Variants in NMUR1 observed in about 807,000 individuals in gnomAD.
The protein encoded by NMUR1 is neuromedin-U receptor 1.
In NMUR1, 16 loss-of-function variants were observed where a neutral mutation model predicts 18.8. The observed-to-expected ratio is 0.85, with a 90% CI of 0.58 to 1.29. The LOEUF (loss-of-function observed/expected upper bound fraction) is 1.29. Among genes scored for constraint, NMUR1 ranks in the 50% most tolerant of loss-of-function variants. NMUR1 has a pLI of 0.00. For missense variants in NMUR1, 529 were observed against 580.3 expected (o/e 0.91, Z 0.91); for synonymous variants, 258 against 258.2 (o/e 1.00, Z 0.01).
downstream of NMUR1, among the ~76,000 whole-genome samples, chr2:231,521,414 A>G (rs1162598429): frequency 6.6e-6 from 1 of 152,174 alleles, no homozygotes; most frequent in Non-Finnish European, 1.5e-5. Context: ...AGGAGCAGAG[A>G]GCAGGATAGA....
In NMUR1 at chr2:231,530,390, T is replaced by G; in HGVS notation, c.-29A>C. The G allele has an allele frequency of 6.7e-7, 1 of 1,482,490 alleles. No individual in the cohort carries two copies. 91.8% of individuals were successfully genotyped at this position (1,482,490 alleles called of 1,614,324 possible). A position where few individuals can be genotyped will look rare whatever the true frequency, so the allele number is the denominator to read the frequency against. ...GCCCGCGGCCCGCGAGACCCCGGCT[T>G]CCACCCTCCGAGCGACGGACACAGA... On this transcript the variant is annotated 5_prime_UTR_variant, in exon 1 of 3. Transcript: ENST00000305141.
chr2:231,519,819 C>T (rs1333836364), downstream of NMUR1, among the ~76,000 whole-genome samples: 1 of 152,158 alleles, frequency 6.6e-6, no homozygotes, highest in Non-Finnish European at 1.5e-5. Context: ...GAGTCAGGCG[C>T]AGTGGCTCTT....
At chr2:231,521,829 C>T (rs2047306497), downstream of NMUR1, among the ~76,000 whole-genome samples, 1 of 152,092 alleles carries the variant, frequency 6.6e-6, no homozygotes, top group Non-Finnish European at 1.5e-5. Context: ...CTGCCCTTTC[C>T]ATTGCCATCC....
In NMUR1 at chr2:231,530,353, A is replaced by G; in HGVS notation, c.3+6T>C. 6.7e-7 allele frequency: 1 copy of G among 1,490,740 alleles called. No homozygotes were observed. Among genetic ancestry groups the G allele is most frequent in the South Asian group, 1.3e-5 (1 of 79,850 alleles). The allele number at this position is 1,490,740 out of a possible 1,614,324, so 92.3% of individuals were successfully genotyped here. On this transcript the variant is annotated splice_donor_region_variant and intron_variant, in intron 1 of 2. Transcript: ENST00000305141. ...CCCTAGCCCACGCCGGCGCCTGCGCACCTACCATGCGGCCCGCGGCCCGCG... is the reference window on the plus strand; with the variant it reads ...CCCTAGCCCACGCCGGCGCCTGCGCGCCTACCATGCGGCCCGCGGCCCGCG...
intron 1 of NMUR1, among the ~76,000 whole-genome samples, chr2:231,529,587 T>A (rs1209192613): frequency 6.6e-6 from 1 of 152,148 alleles, no homozygotes; most frequent in East Asian, 1.9e-4. Context: ...CTTGGGTGTC[T>A]CCTCTTTCAA....
chr2:231,526,400 G>A (rs527618622), intron 2 of NMUR1, among the ~76,000 whole-genome samples: 138 of 152,064 alleles, frequency 9.1e-4, no homozygotes, highest in Admixed American at 2.5e-3. Flanking sequence ...ACAAGGGAGG[G>A]AGGGAGGGAA....
At chr2:231,520,017 C>G (rs1559161307), downstream of NMUR1, among the ~76,000 whole-genome samples, 1 of 152,132 alleles carries the variant, frequency 6.6e-6, no homozygotes, top group Non-Finnish European at 1.5e-5. Flanking sequence ...CTCATTTTTC[C>G]TGCCAGGAGG....
rs750909422 is a variant in NMUR1 at position 231,528,318 on chromosome 2, T to TG, written c.702dup (p.Thr235HisfsTer123). The TG allele has an allele frequency of 6.2e-7, 1 of 1,612,866 alleles. No homozygotes were observed. The highest frequency in any genetic ancestry group is 8.5e-7 in the Non-Finnish European group (1 of 1,179,132). ...GGCAGGCAGAAGAAGAGCAGCGCGG[T>TG]GGTCTGCACTACCATGTTGTAGAGG... On this transcript the variant is annotated frameshift_variant, in exon 2 of 3. Coordinates refer to ENST00000305141, the MANE Select transcript of NMUR1 (RefSeq NM_006056.5). LOFTEE classifies it high-confidence loss of function.
downstream of NMUR1, among the ~76,000 whole-genome samples, chr2:231,521,967 T>TCTC (rs1449117048): frequency 3.6e-5 from 3 of 83,832 alleles, no homozygotes; most frequent in East Asian, 1.2e-3. Context: ...CCTTCTTTTT[T>TCTC]TTTCTCTTTT....
Position 231,525,191 on chromosome 2 carries a change from T to C in NMUR1, c.1133A>G (p.His378Arg), listed in dbSNP as rs751698612. Residue 378 changes from histidine (H) to arginine (R), a missense_variant, in exon 3 of 3, where the codon CAT becomes CGT. Transcript: ENST00000305141. ...QEALCLGACC[H>R]RLRPRHSSHS... is the part of the protein sequence containing the mutation. ...GGAGCTGTGGCGGGGTCTGAGGCGA[T>C]GGCAGCAGGCCCCGAGGCACAGGGC... 2 of 1,613,994 alleles carry C rather than the reference T, an allele frequency of 1.2e-6. No homozygotes were observed. Among genetic ancestry groups the C allele is most frequent in the Non-Finnish European group, 1.7e-6 (2 of 1,179,976 alleles).
intron 2 of NMUR1, 115 bp from the exon 3 acceptor site, chr2:231,525,540 C>T: frequency 8.4e-7 from 1 of 1,185,476 alleles, no homozygotes; most frequent in Non-Finnish European, 1.2e-6. Context: ...AGGCCACCCT[C>T]ACCTATCACC....
At chr2:231,527,580 A>G (rs2047368413) in intron 2 of NMUR1, among the ~76,000 whole-genome samples, 1 of 144,494 alleles carries the variant, frequency 6.9e-6, no homozygotes, top group Non-Finnish European at 1.5e-5. Context: ...TGGGAGGTTG[A>G]GGCTGCAGTG....
chr2:231,523,381 A>G lies in NMUR1; in HGVS notation c.*1662T>C. The G allele has an allele frequency of 2.9e-6, 1 of 341,722 alleles. No homozygotes were observed. The highest frequency in any genetic ancestry group is 3.9e-5 in the East Asian group (1 of 25,966). The allele number at this position is 341,722 out of a possible 1,614,324, so 21.2% of individuals were successfully genotyped here. A position where few individuals can be genotyped will look rare whatever the true frequency, so the allele number is the denominator to read the frequency against. ...AGAACTTTTTCATTTTGCAAAACTG[A>G]AACTCTTCACCCATTAAAGAACTCC... is the stretch of plus-strand genomic sequence containing the variant. On this transcript the variant is annotated 3_prime_UTR_variant, in exon 3 of 3. Transcript: ENST00000305141.
chr2:231,528,739 A>T lies in NMUR1; in HGVS notation c.282T>A (p.Pro94=). The T allele has an allele frequency of 6.2e-7, 1 of 1,614,220 alleles. No individual in the cohort carries two copies. The highest frequency in any genetic ancestry group is 8.5e-7 in the Non-Finnish European group (1 of 1,180,026). Residue 94 remains proline (P), a synonymous_variant, in exon 2 of 3, where the codon CCT becomes CCA. Transcript: ENST00000305141. ...VILRHKAMRT[P]TNYYLFSLAV... ...CCAGGCTGAAGAGGTAGTAGTTGGT[A>T]GGCGTGCGCATGGCCTTGTGGCGCA...
downstream of NMUR1, among the ~76,000 whole-genome samples, chr2:231,521,111 C>G (rs190701931): frequency 2.0e-5 from 3 of 152,298 alleles, no homozygotes; most frequent in Non-Finnish European, 2.9e-5. Flanking sequence ...GCAGTGGCTC[C>G]CGCCTGTAAT....
chr2:231,521,762 TG>T (rs746491118), downstream of NMUR1, among the ~76,000 whole-genome samples: 23 of 152,114 alleles, frequency 1.5e-4, no homozygotes, highest in Non-Finnish European at 2.9e-4. Context: ...GGAGTAGCAC[TG>T]GGGACCAAGG....
Position 231,524,816 on chromosome 2 carries a change from GAC to G in NMUR1, c.*225_*226del. 3 of 508,588 alleles carry G rather than the reference GAC, an allele frequency of 5.9e-6. No homozygotes were observed. Among genetic ancestry groups the G allele is most frequent in the Non-Finnish European group, 1.0e-5 (3 of 293,280 alleles). 31.5% of individuals were successfully genotyped at this position (508,588 alleles called of 1,614,324 possible). On this transcript the variant is annotated 3_prime_UTR_variant, in exon 3 of 3. Transcript: ENST00000305141. Reference sequence around the variant, plus strand: ...GATTTGAACTGGGGGAGTGGCAGTGGACAGATAAGAAGCACAAGGTGTGGCGT... The same window carrying G: ...GATTTGAACTGGGGGAGTGGCAGTGGAGATAAGAAGCACAAGGTGTGGCGT...
rs1394496884 is a variant in NMUR1, at chr2:231,529,006, G to A, written c.15C>T (p.Cys5=). The A allele has an allele frequency of 1.2e-6, 2 of 1,604,480 alleles. No homozygotes were observed. Among genetic ancestry groups the A allele is most frequent in the South Asian group, 1.1e-5 (1 of 90,626 alleles). The change falls in exon 2 of 3, where the codon TGC becomes TGT. Residue 5 remains cysteine, a synonymous_variant. Transcript: ENST00000305141. MTPL[C]LNCSVLPGDL... ...CTCCAGGGAGGACAGAGCAATTGAG[G>A]CAGAGAGGAGTCTGTGGAACAGAGG...
At position 231,523,321 on chromosome 2, in the gene NMUR1, T is replaced by C. The variant is rs956483188; in HGVS notation, c.*1722A>G. The C allele has an allele frequency of 5.6e-6, 2 of 357,202 alleles. 1 individual carries two copies. The allele number at this position is 357,202 out of a possible 1,614,324, so 22.1% of individuals were successfully genotyped here. On this transcript the variant is annotated 3_prime_UTR_variant, in exon 3 of 3. Transcript: ENST00000305141. ...CATTTCAGTGTATAGTTCAGTATTG[T>C]TATGTATATTCATATTGTTGCACAA...
Sources: allele counts gnomAD v4.1 joint callset (sites outside exome capture counted in the v4.1 genomes callset), GRCh38; gene constraint gnomAD v4.1.1; transcripts MANE v1.5; gene names NCBI Gene and HGNC (gene_info 2026-07-23, HGNC 2026-07-21).